ERBB4: variants seen among roughly 807,000 people sequenced by gnomAD.
ERBB4 encodes receptor tyrosine-protein kinase erbB-4.
In ERBB4, 42 loss-of-function variants were observed where a neutral mutation model predicts 158.0. The ratio of observed to expected loss-of-function variants is 0.27; its 90% CI spans 0.21 to 0.34. ERBB4 has a LOEUF of 0.34. ERBB4 is among the 10% of genes least tolerant of loss of function. ERBB4 has a pLI of 1.00. For missense variants in ERBB4, 1,333 were observed against 1,624.1 expected (o/e 0.82, Z 3.08); for synonymous variants, 583 against 558.7 (o/e 1.04, Z -0.61).
chr2:212,330,387 G>C (rs1366356993), intron 1 of ERBB4, among the ~76,000 whole-genome samples: 1 of 152,062 alleles, frequency 6.6e-6, no homozygotes, highest in Non-Finnish European at 1.5e-5. Context: ...AGAAGCCCGA[G>C]GCTTGCCAAT....
intron 3 of ERBB4, among the ~76,000 whole-genome samples, chr2:211,946,304 T>A (rs924926100): frequency 2.0e-5 from 3 of 152,060 alleles, no homozygotes; most frequent in Non-Finnish European, 2.9e-5. Context: ...AACTTAAAAC[T>A]AGAAATTTAA....
intron 1 of ERBB4, among the ~76,000 whole-genome samples, chr2:212,243,109 C>A (rs138072463): frequency 1.3e-5 from 2 of 152,246 alleles, no homozygotes; most frequent in African/African-American, 4.8e-5. Flanking sequence ...TCTTGTAATA[C>A]TAATGTGGCT....
chr2:211,630,628 A>T, intron 16 of ERBB4, 34 bp from the exon 17 acceptor site: 1 of 1,578,646 alleles, frequency 6.3e-7, no homozygotes, highest in Non-Finnish European at 8.7e-7. Context: ...AAAAATAAAA[A>T]GTATGAAGAG....
At chr2:212,101,453 T>C (rs945658346) in intron 2 of ERBB4, among the ~76,000 whole-genome samples, 1 of 150,884 alleles carries the variant, frequency 6.6e-6, no homozygotes, top group Non-Finnish European at 1.5e-5. Flanking sequence ...GTGGCAAGGG[T>C]CAAAGATTTC....
chr2:211,515,561 A>G (rs115264843), intron 20 of ERBB4, among the ~76,000 whole-genome samples: 2,487 of 152,176 alleles, frequency 0.016, 50 homozygotes, highest in South Asian at 0.036. Flanking sequence ...CAAGTTAGAC[A>G]CATTGAATAT....
chr2:212,253,553 G>T (rs1037307738), intron 1 of ERBB4, among the ~76,000 whole-genome samples: 3 of 152,048 alleles, frequency 2.0e-5, no homozygotes, highest in African/African-American at 7.2e-5. Context: ...TGATTCCGTA[G>T]TCTGGAGTGG....
chr2:211,644,067 G>A (rs766338765), intron 16 of ERBB4, among the ~76,000 whole-genome samples: 1 of 151,962 alleles, frequency 6.6e-6, no homozygotes, highest in Non-Finnish European at 1.5e-5. Flanking sequence ...ATAGTAGATT[G>A]GAAGTAACCC....
chr2:211,457,384 T>C (rs146031940), intron 20 of ERBB4, among the ~76,000 whole-genome samples: 112 of 152,360 alleles, frequency 7.4e-4, no homozygotes, highest in Non-Finnish European at 1.4e-3. Context: ...GCATTGTACA[T>C]TTGATGAAGT....
At chr2:211,619,887 T>C (rs2069533034) in intron 18 of ERBB4, among the ~76,000 whole-genome samples, 1 of 152,184 alleles carries the variant, frequency 6.6e-6, no homozygotes, top group Non-Finnish European at 1.5e-5. Flanking sequence ...TTAAAGCATG[T>C]GTATATGTGT....
In ERBB4 at chr2:211,851,827, A is replaced by AT. The variant is rs1380433337; in HGVS notation, c.422-63669dup. On this transcript the variant is annotated intron_variant, in intron 3 of 27. Transcript: ENST00000342788. ...ATTTCTTGAGAAGAGTTTCTCAAGA[A>AT]TTTTTTTAATCAAAAGCTAAAGAGA... 3.3e-5 allele frequency among the ~76,000 whole-genome samples: 5 copies of AT among 151,850 alleles called. No individual in the cohort carries two copies. The East Asian group carries it at 9.6e-4, about 29-fold the overall frequency.
At chr2:212,474,822 CT>C (rs539959668) in intron 1 of ERBB4, among the ~76,000 whole-genome samples, 12,057 of 94,072 alleles carry the variant, frequency 0.13, 481 homozygotes, top group African/African-American at 0.21. Context: ...CCCGGCCATT[CT>C]TTTTTTTTTT....
intron 7 of ERBB4, among the ~76,000 whole-genome samples, chr2:211,721,571 T>C (rs1391124579): frequency 6.7e-6 from 1 of 148,168 alleles, no homozygotes; most frequent in Non-Finnish European, 1.5e-5. Context: ...TCCTTTAACA[T>C]ACCCTTTATA....
At chr2:212,288,803 A>ACTC (rs747242329) in intron 1 of ERBB4, among the ~76,000 whole-genome samples, 2 of 151,666 alleles carry the variant, frequency 1.3e-5, no homozygotes, top group Non-Finnish European at 2.9e-5. Context: ...TGGGAATGAT[A>ACTC]CTCCTACCTA....
intron 25 of ERBB4, among the ~76,000 whole-genome samples, chr2:211,406,917 C>T (rs1171013106): frequency 6.7e-6 from 1 of 149,468 alleles, no homozygotes; most frequent in East Asian, 1.9e-4. Context: ...CCCACCTCAA[C>T]AAAAAATAAA....
intron 2 of ERBB4, among the ~76,000 whole-genome samples, chr2:212,015,121 C>T (rs1364010752): frequency 1.6e-5 from 2 of 123,396 alleles, no homozygotes; most frequent in African/African-American, 3.3e-5. Flanking sequence ...TAAAAATTAG[C>T]CGGGCATGGT....
chr2:211,782,430 GTCAGC>G (rs71956060), intron 4 of ERBB4, among the ~76,000 whole-genome samples: 98,181 of 150,500 alleles, frequency 0.65, 32,882 homozygotes, highest in African/African-American at 0.81. Context: ...CAGCTTAGCT[GTCAGC>G]TCAGCTCAGC....
chr2:212,002,581 CA>C (rs574209468), intron 2 of ERBB4, among the ~76,000 whole-genome samples: 7 of 152,168 alleles, frequency 4.6e-5, no homozygotes, highest in African/African-American at 1.7e-4. Flanking sequence ...GAAGGAAAAG[CA>C]ACCCTTATAA....
intron 25 of ERBB4, among the ~76,000 whole-genome samples, chr2:211,397,495 C>T (rs1001132672): frequency 6.6e-6 from 1 of 152,148 alleles, no homozygotes; most frequent in African/African-American, 2.4e-5. Context: ...CCACAGATGA[C>T]CCATAGAGAC....
At chr2:211,977,102 T>C (rs1006406891) in intron 2 of ERBB4, among the ~76,000 whole-genome samples, 4 of 152,162 alleles carry the variant, frequency 2.6e-5, no homozygotes, top group African/African-American at 9.6e-5. Context: ...CCAGCTGAGA[T>C]AGAAATGACA....
Sources: allele counts gnomAD v4.1 joint callset (sites outside exome capture counted in the v4.1 genomes callset), GRCh38; gene constraint gnomAD v4.1.1; transcripts MANE v1.5; gene names NCBI Gene and HGNC (gene_info 2026-07-23, HGNC 2026-07-21).